Variants in DAAM1 observed in about 807,000 individuals in gnomAD.
DAAM1 encodes the protein dishevelled associated activator of morphogenesis 1.
A neutral mutation model predicts 130.0 loss-of-function variants in DAAM1; 52 were observed. That is an observed-to-expected ratio of 0.40 (90% CI 0.32 to 0.50). The LOEUF (loss-of-function observed/expected upper bound fraction) is 0.50. Among genes scored for constraint, DAAM1 ranks in the 20% least tolerant of loss-of-function variants. The probability of loss-of-function intolerance (pLI) is 0.61; values close to 1 mark genes in which losing one functional copy is unlikely to be tolerated. For missense variants in DAAM1, 1,134 were observed against 1,303.8 expected (o/e 0.87, Z 2.01); for synonymous variants, 452 against 444.5 (o/e 1.02, Z -0.21).
chr14:59,244,339 C>T (rs1371583556), intron 1 of DAAM1, among the ~76,000 whole-genome samples: 2 of 151,996 alleles, frequency 1.3e-5, no homozygotes, highest in Non-Finnish European at 2.9e-5. Flanking sequence ...AGAATATTCA[C>T]TCTTGCTTGT....
intron 16 of DAAM1, among the ~76,000 whole-genome samples, chr14:59,346,370 C>T (rs1886081234): frequency 6.6e-6 from 1 of 152,176 alleles, no homozygotes; most frequent in Non-Finnish European, 1.5e-5. Flanking sequence ...TCTTTATCTC[C>T]AGTCCTAAAT....
chr14:59,291,568 A>G, intron 3 of DAAM1: 1 of 405,142 alleles, frequency 2.5e-6, no homozygotes, highest in Non-Finnish European at 4.5e-6. Flanking sequence ...TTGCTTACAC[A>G]AGACAAATTC....
At chr14:59,324,688 C>A (rs2139622368) in intron 8 of DAAM1, among the ~76,000 whole-genome samples, 1 of 152,288 alleles carries the variant, frequency 6.6e-6, no homozygotes, top group East Asian at 1.9e-4. Context: ...GAATTCATAT[C>A]CTATCCTAGT....
At chr14:59,254,144 C>T (rs1028446454) in intron 1 of DAAM1, among the ~76,000 whole-genome samples, 7 of 152,192 alleles carry the variant, frequency 4.6e-5, no homozygotes, top group East Asian at 3.8e-4. Context: ...GAGGCAGCCA[C>T]ATTTACCTGT....
At chr14:59,345,023 A>AG (rs1412215255) in intron 16 of DAAM1, among the ~76,000 whole-genome samples, 9 of 151,736 alleles carry the variant, frequency 5.9e-5, no homozygotes, top group African/African-American at 2.2e-4. Flanking sequence ...GGTTTTCATT[A>AG]GTGGCAGTTT....
intron 1 of DAAM1, among the ~76,000 whole-genome samples, chr14:59,236,422 G>A (rs973719397): frequency 2.3e-4 from 35 of 151,962 alleles, no homozygotes; most frequent in African/African-American, 7.0e-4. Context: ...AAGTACATTC[G>A]CCGCCTTTTT....
intron 1 of DAAM1, among the ~76,000 whole-genome samples, chr14:59,252,516 A>G (rs1881692226): frequency 6.6e-6 from 1 of 152,192 alleles, no homozygotes; most frequent in Non-Finnish European, 1.5e-5. Flanking sequence ...AGAATTTCCC[A>G]CAATTTGCAG....
chr14:59,303,951 C>G (rs1314588634), intron 3 of DAAM1, among the ~76,000 whole-genome samples: 1 of 152,106 alleles, frequency 6.6e-6, no homozygotes, highest in East Asian at 1.9e-4. Flanking sequence ...TCTGCCGTGA[C>G]ACATGATGGA....
At chr14:59,363,146 T>A (rs1886777162) in intron 22 of DAAM1, 1 of 156,344 alleles carries the variant, frequency 6.4e-6, no homozygotes, top group African/African-American at 2.4e-5. Flanking sequence ...AAGAGAAAAA[T>A]GGTACATTAT....
At chr14:59,297,715 C>T (rs1158991255) in intron 3 of DAAM1, among the ~76,000 whole-genome samples, 1 of 152,214 alleles carries the variant, frequency 6.6e-6, no homozygotes, top group East Asian at 1.9e-4. Flanking sequence ...ACCGCACTCA[C>T]ATAACTTATA....
At chr14:59,190,559 A>G (rs1457938246) in intron 1 of DAAM1, among the ~76,000 whole-genome samples, 1 of 152,168 alleles carries the variant, frequency 6.6e-6, no homozygotes, top group Non-Finnish European at 1.5e-5. Flanking sequence ...TGTGGTTCTC[A>G]TAAAATCTAA....
At chr14:59,240,773 T>C (rs1881077237) in intron 1 of DAAM1, among the ~76,000 whole-genome samples, 1 of 152,252 alleles carries the variant, frequency 6.6e-6, no homozygotes, top group Non-Finnish European at 1.5e-5. Context: ...TTGTGTGCCA[T>C]CCCTAGATCA....
chr14:59,199,532 A>C (rs1888033239), intron 1 of DAAM1, among the ~76,000 whole-genome samples: 1 of 152,162 alleles, frequency 6.6e-6, no homozygotes, highest in East Asian at 1.9e-4. Context: ...TTATGTTCTG[A>C]TTTGTCACAG....
In DAAM1 at chr14:59,228,127, G is replaced by A. The variant is rs150710912; in HGVS notation, c.-37-35314G>A. Among the ~76,000 whole-genome samples, 31 of 151,602 alleles carry A rather than the reference G, an allele frequency of 2.0e-4. No individual in the cohort carries two copies. In the East Asian group the frequency reaches 6.0e-3, roughly 29 times the overall value. On this transcript the variant is annotated intron_variant, in intron 1 of 24. Coordinates refer to ENST00000360909, the MANE Select transcript of DAAM1 (RefSeq NM_001270520.2). The stretch of plus-strand genomic sequence containing the variant: ...TTTTTTTTTCTTCTAAATCTTAAGG[G>A]AAGAAAAAAAATCATAGGCTGTAAT...
intron 1 of DAAM1, among the ~76,000 whole-genome samples, chr14:59,240,137 G>T (rs543538802): frequency 4.7e-4 from 72 of 152,318 alleles, no homozygotes; most frequent in African/African-American, 1.6e-3. Context: ...TAGCTTGAAA[G>T]ATGTGAGATT....
chr14:59,275,906 T>C (rs1431464822), intron 2 of DAAM1, among the ~76,000 whole-genome samples: 2 of 152,210 alleles, frequency 1.3e-5, no homozygotes, highest in African/African-American at 2.4e-5. Flanking sequence ...TGGTATTTCA[T>C]GTAATGACTA....
rs115188294 is a variant in DAAM1, at chr14:59,303,326, A to G, written c.274-11954A>G. 2.1e-3 allele frequency among the ~76,000 whole-genome samples: 316 copies of G among 152,252 alleles called. 1 individual carries two copies. The highest frequency in any genetic ancestry group is 7.4e-3 in the African/African-American group (308 of 41,538). On this transcript the variant is annotated intron_variant, in intron 3 of 24. Coordinates refer to ENST00000360909, the MANE Select transcript of DAAM1 (RefSeq NM_001270520.2). ...TCTGAGTAAATAGTCTCTGATGTGT[A>G]TCTCACGTCTGAGAATTCATAAGTA...
At chr14:59,352,656 G>A in intron 18 of DAAM1, 24 bp downstream of exon 18, 24 of 1,580,358 alleles carry the variant, frequency 1.5e-5, no homozygotes, top group Non-Finnish European at 2.1e-5. Context: ...TGCTGGGAAT[G>A]TGAAGATGTC....
chr14:59,349,464 C>G (rs61984520), intron 17 of DAAM1, among the ~76,000 whole-genome samples: 9,189 of 152,356 alleles, frequency 0.06, 361 homozygotes, highest in Non-Finnish European at 0.09. Flanking sequence ...CCTGATAATT[C>G]TGTGTGTGTC....
Sources: allele counts gnomAD v4.1 joint callset (sites outside exome capture counted in the v4.1 genomes callset), GRCh38; gene constraint gnomAD v4.1.1; transcripts MANE v1.5; gene names NCBI Gene and HGNC (gene_info 2026-07-23, HGNC 2026-07-21).